LRPPRC: variants seen among roughly 807,000 people sequenced by gnomAD.
LRPPRC encodes leucine-rich PPR motif-containing protein, mitochondrial.
Under a neutral mutation model 180.3 loss-of-function variants are expected in LRPPRC, and 120 were observed. The observed-to-expected ratio is 0.67, with a 90% CI of 0.57 to 0.77. The LOEUF (loss-of-function observed/expected upper bound fraction) is 0.77. LRPPRC is among the 30% of genes least tolerant of loss of function. LRPPRC has a pLI of 0.00. For synonymous variants in LRPPRC, 723 were observed against 600.0 expected (o/e 1.21, Z -3.00); for missense variants, 2,012 against 1,657.2 (o/e 1.21, Z -3.72).
At chr2:43,889,929 T>A in intron 36 of LRPPRC, 53 bp from the exon 37 acceptor site, 2 of 1,382,570 alleles carry the variant, frequency 1.4e-6, no homozygotes, top group Admixed American at 3.4e-5. Flanking sequence ...CCTATCTTAC[T>A]CTTTTCACCA....
intron 4 of LRPPRC, 42 bp downstream of exon 4, chr2:43,977,113 A>T: frequency 6.2e-7 from 1 of 1,610,042 alleles, no homozygotes; most frequent in Non-Finnish European, 8.5e-7. Flanking sequence ...AAAGAAAAAA[A>T]ATGGTGGATG....
At chr2:43,991,813 T>C (rs1438567596) in intron 1 of LRPPRC, among the ~76,000 whole-genome samples, 1 of 152,216 alleles carries the variant, frequency 6.6e-6, no homozygotes, top group Non-Finnish European at 1.5e-5. Flanking sequence ...CTAATACTCA[T>C]TTGTCCTCAA....
intron 36 of LRPPRC, among the ~76,000 whole-genome samples, chr2:43,891,169 TAAGGGCTCAAGCTCTATCTTC>T (rs1670479943): frequency 6.6e-6 from 1 of 152,232 alleles, no homozygotes; most frequent in Non-Finnish European, 1.5e-5. Context: ...CTGAACCCTT[TAAGGGCTCAAGCTCTATCTTC>T]TAGGAAGCTG....
intron 25 of LRPPRC, among the ~76,000 whole-genome samples, chr2:43,929,629 A>G (rs1027580140): frequency 7.9e-5 from 12 of 152,150 alleles, no homozygotes; most frequent in African/African-American, 2.9e-4. Flanking sequence ...AAGTGGACCT[A>G]CACAATCCAA....
At chr2:43,982,484 C>A in intron 1 of LRPPRC, 50 bp from the exon 2 acceptor site, 2 of 1,409,296 alleles carry the variant, frequency 1.4e-6, no homozygotes, top group South Asian at 2.4e-5. Flanking sequence ...CTATTTAGGT[C>A]ATTTTTTGAA....
chr2:43,992,037 C>G (rs1674804086), intron 1 of LRPPRC, among the ~76,000 whole-genome samples: 1 of 152,224 alleles, frequency 6.6e-6, no homozygotes, highest in Admixed American at 6.5e-5. Flanking sequence ...GACACAGTAT[C>G]TGCCTTCAAG....
intron 5 of LRPPRC, among the ~76,000 whole-genome samples, chr2:43,976,664 T>C (rs1268467578): frequency 1.3e-5 from 2 of 148,660 alleles, no homozygotes; most frequent in Non-Finnish European, 3.0e-5. Context: ...GTTTTATAAA[T>C]GAATACAGCT....
intron 22 of LRPPRC, 122 bp from the exon 23 acceptor site, chr2:43,944,016 T>C: frequency 1.4e-6 from 1 of 715,874 alleles, no homozygotes; most frequent in Non-Finnish European, 2.5e-6. Flanking sequence ...CGATTTCAAG[T>C]TAATTACTAC....
intron 30 of LRPPRC, among the ~76,000 whole-genome samples, chr2:43,910,239 C>CCT (rs1553394021): frequency 2.1e-5 from 3 of 146,338 alleles, no homozygotes; most frequent in African/African-American, 5.0e-5. Context: ...ATCTCTCTCC[C>CCT]TTTTTTTTTT....
intron 1 of LRPPRC, 121 bp downstream of exon 1, chr2:43,995,678 C>T (rs747450651): frequency 7.9e-5 from 77 of 973,680 alleles, no homozygotes; most frequent in Non-Finnish European, 1.0e-4. Flanking sequence ...CCCGGGGAGG[C>T]TAGGTCCTGG....
chr2:43,889,935 C>A, intron 36 of LRPPRC, 59 bp from the exon 37 acceptor site: 7 of 1,302,844 alleles, frequency 5.4e-6, no homozygotes, highest in Non-Finnish European at 7.8e-6. Context: ...TTACTCTTTT[C>A]ACCAAAACAG....
At chr2:43,989,465 G>A (rs960791437) in intron 1 of LRPPRC, among the ~76,000 whole-genome samples, 2 of 152,102 alleles carry the variant, frequency 1.3e-5, no homozygotes, top group Non-Finnish European at 2.9e-5. Context: ...AACCAGATTG[G>A]GACCGATAAT....
At chr2:43,917,210 T>C (rs1387272319) in intron 29 of LRPPRC, among the ~76,000 whole-genome samples, 1 of 151,614 alleles carries the variant, frequency 6.6e-6, no homozygotes, top group Non-Finnish European at 1.5e-5. Flanking sequence ...CCGGCTAATT[T>C]TGGTATTTCT....
chr2:43,926,286 TTTAA>T (rs1671875295), intron 25 of LRPPRC, among the ~76,000 whole-genome samples: 1 of 152,190 alleles, frequency 6.6e-6, no homozygotes, highest in African/African-American at 2.4e-5. Flanking sequence ...TCCATAAATC[TTTAA>T]TTAATAAAAT....
chr2:43,973,147 A>G (rs577922760), intron 11 of LRPPRC, among the ~76,000 whole-genome samples: 12 of 152,340 alleles, frequency 7.9e-5, no homozygotes, highest in Admixed American at 3.3e-4. Context: ...TTTCACAATA[A>G]AAGTTTTCCT....
intron 1 of LRPPRC, among the ~76,000 whole-genome samples, chr2:43,994,934 G>T (rs1042066329): frequency 1.3e-5 from 2 of 152,172 alleles, no homozygotes. Flanking sequence ...CCTTGCATGT[G>T]CTCATTCATT....
chr2:43,970,381 T>A (rs1262311446), intron 11 of LRPPRC, among the ~76,000 whole-genome samples: 1 of 152,220 alleles, frequency 6.6e-6, no homozygotes, highest in Non-Finnish European at 1.5e-5. Flanking sequence ...AGAAAGATAT[T>A]CTGTTCAGTA....
At chr2:43,915,299 T>C (rs1040558599) in intron 29 of LRPPRC, among the ~76,000 whole-genome samples, 3 of 149,006 alleles carry the variant, frequency 2.0e-5, no homozygotes, top group Non-Finnish European at 4.5e-5. Flanking sequence ...AACATTTACA[T>C]AGTATTAATC....
intron 1 of LRPPRC, among the ~76,000 whole-genome samples, chr2:43,984,227 G>A (rs11124956): frequency 6.6e-6 from 1 of 151,878 alleles, no homozygotes; most frequent in Non-Finnish European, 1.5e-5. Flanking sequence ...GGAGGAGTAT[G>A]CAATAATATT....
Sources: gnomAD v4.1 joint callset for allele counts (sites outside exome capture counted in the v4.1 genomes callset) on GRCh38, gnomAD v4.1.1 for gene constraint, MANE v1.5 for transcripts, NCBI Gene and HGNC (gene_info 2026-07-23, HGNC 2026-07-21) for gene names.